NOTCH2NLA: variants seen among roughly 807,000 people sequenced by gnomAD.
NOTCH2NLA encodes notch homolog 2 N-terminal-like protein A.
rs1353785706 is a variant in NOTCH2NLA, at chr1:146,194,940, C to T, written c.-44-5559G>A. On this transcript the variant is annotated intron_variant, in intron 1 of 4. Coordinates refer to ENST00000362074, the Ensembl canonical transcript of NOTCH2NLA. ...TGTCTGTGCTTCCACTGATTTCTGCCTTCCTCATTACTATCTAAATTCTAC... is the reference window on the plus strand; with the variant it reads ...TGTCTGTGCTTCCACTGATTTCTGCTTTCCTCATTACTATCTAAATTCTAC... 4.5e-5 allele frequency among the ~76,000 whole-genome samples: 5 copies of T among 112,298 alleles called. 1 individual carries two copies. Among genetic ancestry groups the T allele is most frequent in the African/African-American group, 1.9e-4 (5 of 26,184 alleles). The allele number at this position is 112,298 out of a possible 152,430, so 73.7% of individuals were successfully genotyped here.
At chr1:146,186,830 T>C (rs1662790388) in intron 2 of NOTCH2NLA, among the ~76,000 whole-genome samples, 1 of 134,384 alleles carries the variant, frequency 7.4e-6, no homozygotes, top group South Asian at 2.4e-4. Flanking sequence ...CTGTATGGTA[T>C]TACCACCCTG....
intron 2 of NOTCH2NLA, among the ~76,000 whole-genome samples, chr1:146,187,803 T>C (rs1662855740): frequency 1.5e-5 from 2 of 136,638 alleles, no homozygotes; most frequent in Admixed American, 1.5e-4. Flanking sequence ...TCCCTTATTA[T>C]CTCCAGTTGT....
chr1:146,228,896 C>T (rs1553820572), exon 1 of NOTCH2NLA: 1 of 1,472,204 alleles, frequency 6.8e-7, no homozygotes, highest in African/African-American at 1.5e-5. Flanking sequence ...GCTTCAAAGG[C>T]TCAGGCCCTG....
At chr1:146,159,966 C>CAAAAAAA (rs782308523) in intron 3 of NOTCH2NLA, among the ~76,000 whole-genome samples, 443 of 7,458 alleles carry the variant, frequency 0.059, 88 homozygotes, top group Non-Finnish European at 0.15. Flanking sequence ...TACTCCATCT[C>CAAAAAAA]AAAAAAAAAA....
chr1:146,160,056 G>A (rs1342637688), intron 3 of NOTCH2NLA, among the ~76,000 whole-genome samples: 2 of 66,648 alleles, frequency 3.0e-5, no homozygotes, highest in Non-Finnish European at 6.3e-5. Flanking sequence ...AAAGGAAGAA[G>A]TTTTAATTTG....
chr1:146,180,351 T>C (rs2794096), intron 2 of NOTCH2NLA, among the ~76,000 whole-genome samples: 5 of 138,794 alleles, frequency 3.6e-5, no homozygotes, highest in African/African-American at 7.8e-5. Context: ...TTAAATAATG[T>C]CTTTCTTAGT....
At chr1:146,171,254 ACCC>A (rs1553806995) in intron 2 of NOTCH2NLA, among the ~76,000 whole-genome samples, 7 of 123,474 alleles carry the variant, frequency 5.7e-5, no homozygotes, top group African/African-American at 1.8e-4. Flanking sequence ...ACACAGTGAA[ACCC>A]TGTCTCTACT....
chr1:146,186,914 GGTTT>G (rs1191479342), intron 2 of NOTCH2NLA, among the ~76,000 whole-genome samples: 1 of 135,046 alleles, frequency 7.4e-6, no homozygotes, highest in Admixed American at 7.7e-5. Context: ...AGAATGTGCA[GGTTT>G]GTTTCATAGG....
At chr1:146,159,432 A>T (rs1571265867) in intron 3 of NOTCH2NLA, among the ~76,000 whole-genome samples, 1 of 150,594 alleles carries the variant, frequency 6.6e-6, no homozygotes, top group Admixed American at 6.6e-5. Flanking sequence ...AGAAAGAAAG[A>T]AAGAAAGAAA....
chr1:146,175,340 C>G lies in NOTCH2NLA; in HGVS notation c.39-10330G>C, dbSNP rs1340792900. 2.2e-5 allele frequency among the ~76,000 whole-genome samples: 3 copies of G among 134,040 alleles called. 1 individual carries two copies. Among genetic ancestry groups the G allele is most frequent in the Non-Finnish European group, 5.1e-5 (3 of 59,384 alleles). The allele number at this position is 134,040 out of a possible 152,430, so 87.9% of individuals were successfully genotyped here. On this transcript the variant is annotated intron_variant, in intron 2 of 4. Coordinates refer to ENST00000362074, the Ensembl canonical transcript of NOTCH2NLA. The stretch of plus-strand genomic sequence containing the variant: ...CTCTGTCATACTACTTCTTGCCATT[C>G]CCACTCTACTCTCAACCCCCCCTTC...
intron 2 of NOTCH2NLA, among the ~76,000 whole-genome samples, chr1:146,180,732 C>T (rs1376671227): frequency 3.5e-5 from 5 of 141,026 alleles, no homozygotes; most frequent in Non-Finnish European, 8.1e-5. Flanking sequence ...AACTTCATTC[C>T]TAACTACTGT....
chr1:146,174,353 G>T (rs1662146552), intron 2 of NOTCH2NLA, among the ~76,000 whole-genome samples: 1 of 131,614 alleles, frequency 7.6e-6, no homozygotes, highest in Non-Finnish European at 1.7e-5. Context: ...GTATCAGCAG[G>T]GTGAGGCCAA....
chr1:146,154,128 A>G (rs1661029108), downstream of NOTCH2NLA: 1 of 128,862 alleles, frequency 7.8e-6, no homozygotes. Context: ...ACATGAACAT[A>G]TATTTTTAAC....
chr1:146,174,729 C>T (rs1183958842), intron 2 of NOTCH2NLA, among the ~76,000 whole-genome samples: 2 of 143,902 alleles, frequency 1.4e-5, no homozygotes, highest in Non-Finnish European at 3.2e-5. Flanking sequence ...CTCTTGGCCC[C>T]CCAATCCACA....
intron 2 of NOTCH2NLA, among the ~76,000 whole-genome samples, chr1:146,185,997 T>G (rs1662741666): frequency 7.4e-6 from 1 of 135,754 alleles, no homozygotes; most frequent in Admixed American, 7.7e-5. Flanking sequence ...ACATTATTTT[T>G]GCATAAAATT....
At chr1:146,172,926 C>T (rs1160620867) in intron 2 of NOTCH2NLA, among the ~76,000 whole-genome samples, 3 of 147,118 alleles carry the variant, frequency 2.0e-5, no homozygotes, top group Non-Finnish European at 4.6e-5. Context: ...TGGATAAAGT[C>T]AGTCTCTCAA....
chr1:146,158,707 A>G (rs1661294294), intron 3 of NOTCH2NLA, among the ~76,000 whole-genome samples: 3 of 152,124 alleles, frequency 2.0e-5, no homozygotes, highest in Non-Finnish European at 4.4e-5. Context: ...GAACTCCTTG[A>G]ATTTGTTAAT....
In NOTCH2NLA at chr1:146,200,424, G is replaced by GAA. The variant is rs1173459520; in HGVS notation, c.-44-11045_-44-11044dup. On this transcript the variant is annotated intron_variant, in intron 1 of 4. Transcript: ENST00000362074. ...GGTGACACAGCAAGACTCTGCCTGA[G>GAA]AAAAAAAAAAAAAAATATATATATA... 1.8e-3 allele frequency among the ~76,000 whole-genome samples: 29 copies of GAA among 16,408 alleles called. 2 individuals carry two copies. The highest frequency in any genetic ancestry group is 3.1e-3 in the Admixed American group (4 of 1,308). 10.8% of individuals were successfully genotyped at this position (16,408 alleles called of 152,430 possible).
chr1:146,188,579 A>AG (rs1374146411), intron 2 of NOTCH2NLA, among the ~76,000 whole-genome samples: 1 of 31,212 alleles, frequency 3.2e-5, no homozygotes, highest in Non-Finnish European at 7.0e-5. Flanking sequence ...TTTTTACACT[A>AG]GAAAAAAATA....
Sources: allele counts gnomAD v4.1 joint callset (sites outside exome capture counted in the v4.1 genomes callset), GRCh38; gene constraint gnomAD v4.1.1; transcripts MANE v1.5; gene names NCBI Gene and HGNC (gene_info 2026-07-23, HGNC 2026-07-21).